CNIH3: variants seen among roughly 807,000 people sequenced by gnomAD.
The protein encoded by CNIH3 is cornichon family AMPA receptor auxiliary protein 3, also known as protein cornichon homolog 3.
In CNIH3, 14 loss-of-function variants were observed where a neutral mutation model predicts 24.1. That is an observed-to-expected ratio of 0.58 (90% confidence interval 0.38 to 0.91). CNIH3 has a LOEUF of 0.91. Ranked by LOEUF, CNIH3 falls within the 40% of genes least tolerant of loss-of-function variation. CNIH3 has a pLI of 0.00. For missense variants in CNIH3, 178 were observed against 196.8 expected, an observed-to-expected ratio of 0.90 and a Z score of 0.57; for synonymous variants, 68 against 73.8, an observed-to-expected ratio of 0.92 and a Z score of 0.40.
chr1:224,690,064 G>A (rs1169609507), intron 3 of CNIH3, among the ~76,000 whole-genome samples: 4 of 152,170 alleles, frequency 2.6e-5, no homozygotes, highest in African/African-American at 7.2e-5. Flanking sequence ...CGAGTGGTTC[G>A]AGGAAATTAA....
intron 1 of CNIH3, among the ~76,000 whole-genome samples, chr1:224,660,977 A>G (rs973407096): frequency 6.6e-6 from 1 of 152,226 alleles, no homozygotes; most frequent in African/African-American, 2.4e-5. Flanking sequence ...TTAAAACAAA[A>G]AGTCCTATTT....
rs1201382983 is a variant in CNIH3 at position 224,702,814 on chromosome 1, A to G, written c.198+17971A>G. Among the ~76,000 whole-genome samples the G allele has an allele frequency of 3.3e-5, 5 of 152,228 alleles. No homozygotes were observed. In the South Asian group the frequency reaches 1.0e-3, roughly 32 times the overall value. On this transcript the variant is annotated intron_variant, in intron 3 of 5. Coordinates refer to ENST00000272133, the MANE Select transcript of CNIH3 (RefSeq NM_152495.2). ...TCTACTAGAGACCTTGCAGACACCAAGATCCTAACTTCTCTTTCCCCTCTC... is the reference window on the plus strand; with the variant it reads ...TCTACTAGAGACCTTGCAGACACCAGGATCCTAACTTCTCTTTCCCCTCTC...
intron 1 of CNIH3, among the ~76,000 whole-genome samples, chr1:224,519,317 G>A (rs867596513): frequency 6.6e-6 from 1 of 152,160 alleles, no homozygotes; most frequent in African/African-American, 2.4e-5. Context: ...GACTGCTTGA[G>A]CTGGGGCATC....
At chr1:224,541,397 T>C (rs1305220006), downstream of CNIH3, among the ~76,000 whole-genome samples, 3 of 152,346 alleles carry the variant, frequency 2.0e-5, no homozygotes, top group East Asian at 5.8e-4. Context: ...TAGGGTCATT[T>C]TTCTTTGGCT....
At chr1:224,555,057 G>T (rs1204243397) in intron 3 of CNIH3, among the ~76,000 whole-genome samples, 2 of 152,158 alleles carry the variant, frequency 1.3e-5, no homozygotes, top group East Asian at 3.8e-4. Flanking sequence ...AGTAGGGGAG[G>T]TGGTAGTGTC....
chr1:224,706,586 C>T (rs1417652058), intron 3 of CNIH3, among the ~76,000 whole-genome samples: 1 of 152,192 alleles, frequency 6.6e-6, no homozygotes, highest in Non-Finnish European at 1.5e-5. Context: ...TGTCTGCCCC[C>T]TTCTTTGGTG....
chr1:224,441,367 C>G (rs1384986355), intron 1 of CNIH3, among the ~76,000 whole-genome samples: 1 of 152,180 alleles, frequency 6.6e-6, no homozygotes, highest in Non-Finnish European at 1.5e-5. Flanking sequence ...ACACTGCCAT[C>G]TCTGCACACA....
At chr1:224,706,053 AGCTGCCAGAG>A (rs1687792225) in intron 3 of CNIH3, among the ~76,000 whole-genome samples, 1 of 151,920 alleles carries the variant, frequency 6.6e-6, no homozygotes, top group Non-Finnish European at 1.5e-5. Flanking sequence ...CTAGACCAGG[AGCTGCCAGAG>A]GACAGGGACT....
intron 1 of CNIH3, among the ~76,000 whole-genome samples, chr1:224,520,070 C>T (rs1678563953): frequency 1.3e-5 from 2 of 152,120 alleles, no homozygotes; most frequent in African/African-American, 4.8e-5. Context: ...CAGGGTGACT[C>T]AACAACAGCT....
chr1:224,648,519 A>T (rs768079926), intron 1 of CNIH3, among the ~76,000 whole-genome samples: 11 of 152,146 alleles, frequency 7.2e-5, no homozygotes, highest in Admixed American at 2.0e-4. Flanking sequence ...TCATTTACTC[A>T]TACATTAAAT....
At chr1:224,589,804 C>A (rs1406770249), downstream of CNIH3, among the ~76,000 whole-genome samples, 1 of 152,176 alleles carries the variant, frequency 6.6e-6, no homozygotes, top group Non-Finnish European at 1.5e-5. Flanking sequence ...TTTCCAGCTC[C>A]TCTAAAGAGG....
chr1:224,504,999 TCCC>T (rs1558114635), intron 1 of CNIH3, among the ~76,000 whole-genome samples: 8 of 57,012 alleles, frequency 1.4e-4, no homozygotes, highest in African/African-American at 5.3e-4. Flanking sequence ...TCCCTTTCCC[TCCC>T]TCCCTCCCTC....
chr1:224,646,971 C>T (rs973667387), intron 1 of CNIH3, among the ~76,000 whole-genome samples: 2 of 152,132 alleles, frequency 1.3e-5, no homozygotes, highest in South Asian at 2.1e-4. Context: ...CTGTCACACA[C>T]ATGGCCCCGT....
intron 3 of CNIH3, among the ~76,000 whole-genome samples, chr1:224,608,942 C>T (rs533980701): frequency 2.0e-5 from 3 of 152,344 alleles, no homozygotes; most frequent in East Asian, 3.9e-4. Context: ...TGAGCCCACT[C>T]GCCCAACTCC....
intron 1 of CNIH3, among the ~76,000 whole-genome samples, chr1:224,633,464 GA>G (rs1194375285): frequency 2.0e-5 from 3 of 152,118 alleles, no homozygotes; most frequent in African/African-American, 7.2e-5. Context: ...TGGCAGTTAA[GA>G]TTCTTAGAAA....
chr1:224,548,748 T>C (rs925624252), intron 3 of CNIH3, among the ~76,000 whole-genome samples: 16 of 151,332 alleles, frequency 1.1e-4, no homozygotes, highest in African/African-American at 3.9e-4. Flanking sequence ...ATACTACTCT[T>C]AATATCACAG....
chr1:224,520,323 A>T (rs1280834004), intron 1 of CNIH3, among the ~76,000 whole-genome samples: 2 of 152,246 alleles, frequency 1.3e-5, no homozygotes, highest in Admixed American at 6.5e-5. Context: ...AATTCTGTAA[A>T]GCTTTCCTAA....
At chr1:224,631,939 TC>T (rs902411232) in intron 1 of CNIH3, among the ~76,000 whole-genome samples, 2 of 152,150 alleles carry the variant, frequency 1.3e-5, no homozygotes, top group Non-Finnish European at 2.9e-5. Flanking sequence ...GACATTTGTA[TC>T]TTGGATTAAA....
chr1:224,434,840 T>G (rs1674569008), exon 1 of CNIH3: 3 of 985,316 alleles, frequency 3.0e-6, no homozygotes, highest in Non-Finnish European at 3.6e-6. Flanking sequence ...TATACTGCCC[T>G]CCTCACTCAC....
Sources: allele counts gnomAD v4.1 joint callset (sites outside exome capture counted in the v4.1 genomes callset), GRCh38; gene constraint gnomAD v4.1.1; transcripts MANE v1.5; gene names NCBI Gene and HGNC (gene_info 2026-07-23, HGNC 2026-07-21).